The following RYR3 variants were observed in gnomAD, a reference collection of about 807,000 sequenced individuals.
The protein encoded by RYR3 is brain ryanodine receptor-calcium release channel.
RYR3 carries 207 observed loss-of-function variants against 584.3 expected under a neutral mutation model. That is an observed-to-expected ratio of 0.35 (90% CI 0.32 to 0.40). The LOEUF is 0.40. Among genes scored for constraint, RYR3 ranks in the 10% least tolerant of loss-of-function variants. RYR3 has a pLI of 1.00. For synonymous variants in RYR3, 2,416 were observed against 2,248.5 expected, an observed-to-expected ratio of 1.07 and a Z score of -2.11; for missense variants, 5,616 against 6,089.2, an observed-to-expected ratio of 0.92 and a Z score of 2.59.
intron 102 of RYR3, among the ~76,000 whole-genome samples, chr15:33,862,598 T>G (rs971408233): frequency 9.2e-5 from 14 of 152,124 alleles, no homozygotes; most frequent in African/African-American, 3.4e-4. Flanking sequence ...GGGGATGAGT[T>G]TAAGTCAAAA....
At chr15:33,538,313 G>A (rs981956125) in intron 5 of RYR3, among the ~76,000 whole-genome samples, 1 of 152,126 alleles carries the variant, frequency 6.6e-6, no homozygotes, top group African/African-American at 2.4e-5. Flanking sequence ...ATCTGGCAGA[G>A]ACCTGAGCAT....
intron 29 of RYR3, 82 bp from the exon 30 acceptor site, chr15:33,647,342 G>A (rs1334367728): frequency 2.8e-6 from 3 of 1,073,164 alleles, no homozygotes; most frequent in Non-Finnish European, 4.3e-6. Context: ...CTTGATCATT[G>A]AAGGTAGATC....
chr15:33,582,195 T>C (rs2058627855), intron 14 of RYR3, among the ~76,000 whole-genome samples: 1 of 152,128 alleles, frequency 6.6e-6, no homozygotes, highest in African/African-American at 2.4e-5. Flanking sequence ...TTCCATCCAA[T>C]AGGCCTAGGC....
rs115331391 is a variant in RYR3, at chr15:33,382,582, A to T, written c.51+71486A>T. 9.2e-3 allele frequency among the ~76,000 whole-genome samples: 1,402 copies of T among 152,210 alleles called. 21 individuals carry two copies. Among genetic ancestry groups the T allele is most frequent in the African/African-American group, 0.031 (1,292 of 41,528 alleles). On this transcript the variant is annotated intron_variant, in intron 1 of 103. Transcript: ENST00000634891. The stretch of plus-strand genomic sequence containing the variant: ...AGGTGATCCACCTGCTTAGCCTCCT[A>T]AAGTGCTGGGATTACAGACATGAGC...
intron 99 of RYR3, chr15:33,859,090 C>G (rs1005272973): frequency 4.5e-5 from 7 of 154,466 alleles, no homozygotes; most frequent in African/African-American, 1.7e-4. Context: ...TAGATTGGCT[C>G]AAACCTGCAG....
intron 42 of RYR3, among the ~76,000 whole-genome samples, chr15:33,703,170 CAGTT>C (rs2066431633): frequency 6.6e-6 from 1 of 152,150 alleles, no homozygotes; most frequent in African/African-American, 2.4e-5. Context: ...TGACATTTTT[CAGTT>C]AGTAAATTCT....
intron 93 of RYR3, among the ~76,000 whole-genome samples, chr15:33,845,825 A>G (rs2078692326): frequency 6.6e-6 from 1 of 152,234 alleles, no homozygotes; most frequent in South Asian, 2.1e-4. Context: ...CTGATGTGTT[A>G]GTTTTCAGTT....
At chr15:33,860,494 C>A (rs1024823168) in intron 100 of RYR3, 101 bp from the exon 101 acceptor site, 2 of 646,716 alleles carry the variant, frequency 3.1e-6, no homozygotes, top group African/African-American at 1.9e-5. Flanking sequence ...TTTGATAATT[C>A]ACTTTTTTTT....
intron 12 of RYR3, among the ~76,000 whole-genome samples, chr15:33,570,469 T>A (rs1310400539): frequency 6.6e-6 from 1 of 152,158 alleles, no homozygotes; most frequent in Non-Finnish European, 1.5e-5. Flanking sequence ...AATGACACTG[T>A]CTTAATTAAT....
Position 33,503,691 on chromosome 15 carries a change from G to T in RYR3, c.232G>T (p.Ala78Ser). ...GCTGGAACAGTCCCTATCTGTCAGAGCCCTGCAGGAAATGCTTGCCAACAC... is the reference window on the plus strand; with the variant it reads ...GCTGGAACAGTCCCTATCTGTCAGATCCCTGCAGGAAATGCTTGCCAACAC... The part of the protein sequence containing the change: ...FVLEQSLSVR[A>S]LQEMLANTGE... The change falls in exon 3 of 104, where the codon GCC (alanine) becomes TCC (serine). Residue 78 changes from alanine (A) to serine (S), a missense_variant. This residue lies in a region of RYR3 where 1,284 missense variants were observed against 1,344.6 expected (regional missense o/e 0.95). Coordinates refer to ENST00000634891, the MANE Select transcript of RYR3 (RefSeq NM_001036.6). The T allele has an allele frequency of 6.2e-7, 1 of 1,613,224 alleles. No individual in the cohort carries two copies. The highest frequency in any genetic ancestry group is 8.5e-7 in the Non-Finnish European group (1 of 1,179,656).
At chr15:33,567,011 C>T (rs1057094281) in intron 12 of RYR3, among the ~76,000 whole-genome samples, 1 of 152,160 alleles carries the variant, frequency 6.6e-6, no homozygotes, top group African/African-American at 2.4e-5. Flanking sequence ...TGCCCAAGCC[C>T]CATTAGTTAC....
intron 66 of RYR3, among the ~76,000 whole-genome samples, chr15:33,787,987 C>T (rs1051791174): frequency 6.6e-6 from 1 of 152,196 alleles, no homozygotes; most frequent in African/African-American, 2.4e-5. Context: ...TCCTCATGGC[C>T]TGGAAGAGCA....
rs1326896262 is a variant in RYR3 at position 33,768,689 on chromosome 15, C to T, written c.8737C>T (p.His2913Tyr). The stretch of plus-strand genomic sequence containing the variant: ...CTGCAAACTTGCCGCTCTCGTTAGA[C>T]ACAGAATTTCCCTCTTTGGTAAGTG... ...LFCKLAALVR[H>Y]RISLFGSDST... Residue 2913 changes from histidine (H) to tyrosine (Y), a missense_variant, in exon 61 of 104, where the codon CAC (histidine) becomes TAC (tyrosine). Around this residue, in one of 9 missense-constraint regions of RYR3, gnomAD observed 1,280 missense variants for 1,426.2 expected, o/e 0.90. Coordinates refer to ENST00000634891, the MANE Select transcript of RYR3 (RefSeq NM_001036.6). 2 of 1,613,850 alleles carry T rather than the reference C, an allele frequency of 1.2e-6. No homozygotes were observed. Among genetic ancestry groups the T allele is most frequent in the African/African-American group, 1.3e-5 (1 of 74,918 alleles).
At chr15:33,784,517 A>G (rs889311444) in intron 65 of RYR3, among the ~76,000 whole-genome samples, 4 of 152,238 alleles carry the variant, frequency 2.6e-5, no homozygotes, top group Non-Finnish European at 4.4e-5. Flanking sequence ...ATTTCCTCAA[A>G]TCTTCCAGTG....
At chr15:33,829,801 C>A in intron 85 of RYR3, among the ~76,000 whole-genome samples, 1 of 150,944 alleles carries the variant, frequency 6.6e-6, no homozygotes, top group Non-Finnish European at 1.5e-5. Context: ...CAAATATCAA[C>A]ATTAACAGGA....
At chr15:33,614,229 A>G (rs554448988) in intron 19 of RYR3, among the ~76,000 whole-genome samples, 31 of 152,304 alleles carry the variant, frequency 2.0e-4, no homozygotes, top group Middle Eastern at 3.4e-3. Context: ...GAATATTTAT[A>G]TGTTTAACTG....
At chr15:33,505,216 T>C (rs531640237) in intron 3 of RYR3, among the ~76,000 whole-genome samples, 6 of 152,354 alleles carry the variant, frequency 3.9e-5, no homozygotes, top group African/African-American at 1.4e-4. Flanking sequence ...CTTAATGTGA[T>C]CTTGGGTACA....
At chr15:33,435,871 A>C (rs1476238238) in intron 1 of RYR3, among the ~76,000 whole-genome samples, 1 of 152,222 alleles carries the variant, frequency 6.6e-6, no homozygotes, top group Non-Finnish European at 1.5e-5. Flanking sequence ...CAAGGAACCC[A>C]AGTGAGTTGC....
Position 33,803,334 on chromosome 15 carries a change from T to C in RYR3, c.10011+1373T>C, listed in dbSNP as rs576330228. Among the ~76,000 whole-genome samples the C allele has an allele frequency of 2.0e-5, 3 of 152,352 alleles. No individual in the cohort carries two copies. In the South Asian group the frequency reaches 6.2e-4, roughly 32 times the overall value. On this transcript the variant is annotated intron_variant, in intron 69 of 103. Transcript: ENST00000634891. ...TTTCAGAATTCATTTTGCATTTGTC[T>C]TTTGGTAAACACATCTACTGTCATA...
Sources: gnomAD v4.1 joint callset for allele counts (sites outside exome capture counted in the v4.1 genomes callset) on GRCh38, gnomAD v4.1.1 for gene constraint, gnomAD v4.1.1 regional missense constraint, MANE v1.5 for transcripts, NCBI Gene and HGNC (gene_info 2026-07-23, HGNC 2026-07-21) for gene names.